Variants in ACO2 observed in about 807,000 individuals in gnomAD.
ACO2 encodes the protein aconitase 2.
ACO2 carries 31 observed loss-of-function variants against 84.5 expected under a neutral mutation model. The ratio of observed to expected loss-of-function variants is 0.37; its 90% CI spans 0.28 to 0.50. The LOEUF (loss-of-function observed/expected upper bound fraction) is 0.50. Ranked by LOEUF, ACO2 falls within the 20% of genes least tolerant of loss-of-function variation. ACO2 has a pLI of 0.97. For synonymous variants in ACO2, 414 were observed against 412.7 expected (o/e 1.00, Z -0.04); for missense variants, 685 against 1,029.3 (o/e 0.67, Z 4.58).
In ACO2 at chr22:41,515,232, C is replaced by T. The variant is rs542760019; in HGVS notation, c.526-145C>T. The T allele has an allele frequency of 5.6e-4, 521 of 935,540 alleles. 1 individual carries two copies. Among genetic ancestry groups the T allele is most frequent in the Non-Finnish European group, 8.1e-4 (494 of 612,038 alleles). 58.0% of individuals were successfully genotyped at this position (935,540 alleles called of 1,614,324 possible). ...TGGCTCTTCTTGGCCACCCTGGAGA[C>T]GGCCTGGATTAAATGGGGCTGCTCC... is the stretch of plus-strand genomic sequence containing the variant. On this transcript the variant is annotated intron_variant, in intron 4 of 17. Coordinates refer to ENST00000216254, the MANE Select transcript of ACO2 (RefSeq NM_001098.3). The surrounding 1 kb of genome is among the most constrained non-coding windows in gnomAD (Gnocchi z 5.8).
At chr22:41,516,455 C>T (rs1295485402) in intron 6 of ACO2, among the ~76,000 whole-genome samples, 1 of 152,210 alleles carries the variant, frequency 6.6e-6, no homozygotes, top group African/African-American at 2.4e-5. Context: ...ATGCCTGGTC[C>T]TCAGAAATCC....
intron 3 of ACO2, among the ~76,000 whole-genome samples, chr22:41,509,065 C>T (rs2066415216): frequency 1.3e-5 from 2 of 152,194 alleles, no homozygotes; most frequent in African/African-American, 4.8e-5. Context: ...TGCCTGCCGG[C>T]CGGCGGTTTC....
intron 1 of ACO2, among the ~76,000 whole-genome samples, chr22:41,483,726 G>T (rs1030519653): frequency 2.0e-5 from 3 of 151,872 alleles, no homozygotes; most frequent in African/African-American, 7.3e-5. Context: ...AATAATACTG[G>T]GCTGGGCATG....
At chr22:41,516,075 A>C in intron 6 of ACO2, 158 bp downstream of exon 6, 1 of 906,034 alleles carries the variant, frequency 1.1e-6, no homozygotes. Context: ...TGGAGACAGC[A>C]TTAGAGATTG....
At chr22:41,480,652 C>T (rs2038075799) in intron 1 of ACO2, among the ~76,000 whole-genome samples, 1 of 152,198 alleles carries the variant, frequency 6.6e-6, no homozygotes, top group African/African-American at 2.4e-5. Flanking sequence ...AGCTACCAAG[C>T]TCTATGCCTT....
chr22:41,516,182 C>G, intron 6 of ACO2: 1 of 611,206 alleles, frequency 1.6e-6, no homozygotes, highest in Non-Finnish European at 2.9e-6. Flanking sequence ...GGTTAGGAGC[C>G]AAGTCAGCTT....
intron 1 of ACO2, among the ~76,000 whole-genome samples, chr22:41,470,451 A>G (rs937979642): frequency 6.6e-6 from 1 of 150,938 alleles, no homozygotes; most frequent in Non-Finnish European, 1.5e-5. Flanking sequence ...TAAAATCATC[A>G]TTTATCTGAA....
intron 1 of ACO2, among the ~76,000 whole-genome samples, chr22:41,477,042 G>C (rs1948368543): frequency 6.6e-6 from 1 of 151,326 alleles, no homozygotes; most frequent in African/African-American, 2.4e-5. Context: ...CCATTTACTT[G>C]GGAGACTGAG....
chr22:41,470,233 A>G (rs2037927823), intron 1 of ACO2, among the ~76,000 whole-genome samples: 1 of 152,244 alleles, frequency 6.6e-6, no homozygotes, highest in Non-Finnish European at 1.5e-5. Flanking sequence ...GCATCTGTAG[A>G]CATTCTCTGT....
intron 9 of ACO2, chr22:41,521,217 T>C (rs1337571774): frequency 6.6e-6 from 1 of 152,234 alleles, no homozygotes; most frequent in Non-Finnish European, 1.5e-5. Context: ...TGTTTCTGTG[T>C]ATTGTGTGCA....
intron 1 of ACO2, among the ~76,000 whole-genome samples, chr22:41,477,721 G>T (rs2038035641): frequency 6.6e-6 from 1 of 152,068 alleles, no homozygotes; most frequent in Admixed American, 6.6e-5. Context: ...CCCTGCAGAT[G>T]GCCCGCGGCA....
chr22:41,528,163 G>C, intron 17 of ACO2, 141 bp downstream of exon 17: 2 of 1,343,252 alleles, frequency 1.5e-6, no homozygotes, highest in South Asian at 2.8e-5. Flanking sequence ...TGGCCCCACA[G>C]AGAAAGCAAA....
At position 41,520,385 on chromosome 22, in the gene ACO2, G is replaced by A. The variant is rs1446823552; in HGVS notation, c.1138+109G>A. 7.4e-6 allele frequency: 6 copies of A among 814,668 alleles called. No homozygotes were observed. The African/African-American group carries it at 8.6e-5, about 12-fold the overall frequency. The allele number at this position is 814,668 out of a possible 1,614,324, so 50.5% of individuals were successfully genotyped here. A position where few individuals can be genotyped will look rare whatever the true frequency, so the allele number is the denominator to read the frequency against. On this transcript the variant is annotated intron_variant, in intron 9 of 17. Coordinates refer to ENST00000216254, the MANE Select transcript of ACO2 (RefSeq NM_001098.3). ...TGTGTGGCACTTTCTAAGGTGGGCAGTTTCTGAAATGGGTTTATTATTGAA... is the reference window on the plus strand; with the variant it reads ...TGTGTGGCACTTTCTAAGGTGGGCAATTTCTGAAATGGGTTTATTATTGAA...
chr22:41,500,283 T>A (rs1402263697), intron 2 of ACO2, among the ~76,000 whole-genome samples: 1 of 151,290 alleles, frequency 6.6e-6, no homozygotes, highest in Non-Finnish European at 1.5e-5. Context: ...TAAACTAAGA[T>A]GGGACCTTTT....
At chr22:41,523,978 C>T in intron 12 of ACO2, 37 bp downstream of exon 12, 2 of 1,586,420 alleles carry the variant, frequency 1.3e-6, no homozygotes, top group Non-Finnish European at 8.6e-7. Context: ...CTGGGATGGC[C>T]TCTGGGGGTC....
chr22:41,512,913 G>A (rs1418802306), intron 4 of ACO2, among the ~76,000 whole-genome samples: 6 of 152,120 alleles, frequency 3.9e-5, no homozygotes, highest in Admixed American at 3.9e-4. Flanking sequence ...TTGCAAGGTG[G>A]CCCTTCCCCC....
rs144483533 is a variant in ACO2, at chr22:41,479,290, A to G, written c.36+10108A>G. Among the ~76,000 whole-genome samples, 855 of 152,258 alleles carry G rather than the reference A, an allele frequency of 5.6e-3. 8 individuals carry two copies. Among genetic ancestry groups the G allele is most frequent in the Middle Eastern group, 0.034 (10 of 294 alleles). ...GCCTGGAGGAGCGGAGAAACGCATT[A>G]CCCACCATCTGTTGAGCAATCAGGC... On this transcript the variant is annotated intron_variant, in intron 1 of 17. Transcript: ENST00000216254.
intron 7 of ACO2, among the ~76,000 whole-genome samples, 183 bp from the exon 8 acceptor site, chr22:41,518,298 G>A (rs916355765): frequency 6.6e-6 from 1 of 152,240 alleles, no homozygotes; most frequent in Admixed American, 6.5e-5. Context: ...CCGTGTCCCT[G>A]ACAGCTCCTG....
chr22:41,528,206 C>G (rs2066644460), intron 17 of ACO2, 184 bp downstream of exon 17: 1 of 973,380 alleles, frequency 1.0e-6, no homozygotes. Context: ...TGGAGTCAAC[C>G]CGGGGCCCTC....
Sources: gnomAD v4.1 joint callset for allele counts (sites outside exome capture counted in the v4.1 genomes callset) on GRCh38, gnomAD v4.1.1 for gene constraint, Gnocchi (gnomAD v3.1) non-coding constraint, MANE v1.5 for transcripts, NCBI Gene and HGNC (gene_info 2026-07-23, HGNC 2026-07-21) for gene names.